BCAR3: variants seen among roughly 807,000 people sequenced by gnomAD.
BCAR3 encodes breast cancer anti-estrogen resistance protein 3.
In BCAR3, 37 loss-of-function variants were observed where a neutral mutation model predicts 80.1. The ratio of observed to expected loss-of-function variants is 0.46; its 90% confidence interval spans 0.36 to 0.61. The LOEUF (loss-of-function observed/expected upper bound fraction) is 0.61, where lower values mean the gene tolerates loss of function less well. Ranked by LOEUF, BCAR3 falls within the 20% of genes least tolerant of loss-of-function variation. The pLI, the probability that BCAR3 is intolerant of heterozygous loss-of-function variation, is 0.00. For synonymous variants in BCAR3, 389 were observed against 418.9 expected (o/e 0.93, Z 0.87); for missense variants, 978 against 1,068.2 (o/e 0.92, Z 1.18).
chr1:93,631,936 A>G (rs931013236), intron 3 of BCAR3, among the ~76,000 whole-genome samples: 2 of 152,144 alleles, frequency 1.3e-5, no homozygotes, highest in African/African-American at 2.4e-5. Context: ...TGCATGGACA[A>G]AGCAGTGTCT....
intron 3 of BCAR3, among the ~76,000 whole-genome samples, chr1:93,697,706 G>A (rs770143896): frequency 8.5e-5 from 13 of 152,174 alleles, no homozygotes; most frequent in East Asian, 1.9e-4. Flanking sequence ...TAGGCCGGGC[G>A]TGGTGACTCA....
chr1:93,621,967 G>A (rs902227173), intron 3 of BCAR3, among the ~76,000 whole-genome samples: 2 of 152,222 alleles, frequency 1.3e-5, no homozygotes, highest in Non-Finnish European at 2.9e-5. Flanking sequence ...CGCCTCCCGG[G>A]TTCAAGTGAT....
At chr1:93,638,202 T>C (rs1359917647) in intron 3 of BCAR3, among the ~76,000 whole-genome samples, 1 of 152,154 alleles carries the variant, frequency 6.6e-6, no homozygotes, top group African/African-American at 2.4e-5. Context: ...TGAGCCAAGA[T>C]TGCGCCACTG....
At chr1:93,614,194 A>ATTTC in intron 3 of BCAR3, 1 of 1,223,592 alleles carries the variant, frequency 8.2e-7, no homozygotes, top group Non-Finnish European at 1.0e-6. Flanking sequence ...AGAAATTCTC[A>ATTTC]TGTGACCAGA....
chr1:93,707,662 GCAC>G (rs1479394069), intron 2 of BCAR3, among the ~76,000 whole-genome samples: 3 of 152,068 alleles, frequency 2.0e-5, no homozygotes, highest in Non-Finnish European at 2.9e-5. Flanking sequence ...AGCTGAGATC[GCAC>G]CACTGCACTC....
chr1:93,801,416 T>C (rs1484211121), intron 2 of BCAR3, among the ~76,000 whole-genome samples: 2 of 152,238 alleles, frequency 1.3e-5, no homozygotes, highest in African/African-American at 4.8e-5. Flanking sequence ...ATCCAATCTC[T>C]AAAAGAAGGT....
At chr1:93,577,733 C>T (rs535470111) in intron 7 of BCAR3, among the ~76,000 whole-genome samples, 115 of 152,304 alleles carry the variant, frequency 7.6e-4, no homozygotes, top group Non-Finnish European at 1.4e-3. Flanking sequence ...AGACAGCTGC[C>T]CTCTGTCAGA....
chr1:93,836,987 ACT>A (rs762942737), intron 2 of BCAR3, among the ~76,000 whole-genome samples: 18 of 151,876 alleles, frequency 1.2e-4, no homozygotes, highest in Non-Finnish European at 2.4e-4. Flanking sequence ...CCCTTCGCTG[ACT>A]CTCTTTTCAG....
intron 2 of BCAR3, among the ~76,000 whole-genome samples, chr1:93,714,671 T>A (rs1266205269): frequency 6.6e-6 from 1 of 152,196 alleles, no homozygotes; most frequent in Non-Finnish European, 1.5e-5. Context: ...TAAAAATTCT[T>A]TTAACATACT....
intron 2 of BCAR3, among the ~76,000 whole-genome samples, chr1:93,724,606 T>G (rs915988953): frequency 1.6e-4 from 24 of 152,094 alleles, no homozygotes; most frequent in African/African-American, 5.6e-4. Flanking sequence ...GGCTGTCCAG[T>G]CTGAGCTACC....
intron 8 of BCAR3, among the ~76,000 whole-genome samples, chr1:93,575,314 A>G (rs1232862150): frequency 6.6e-6 from 1 of 152,212 alleles, no homozygotes; most frequent in Non-Finnish European, 1.5e-5. Flanking sequence ...GCCCAAATCA[A>G]CTTTTAAAAA....
chr1:93,728,445 C>T (rs1650670773), intron 2 of BCAR3, among the ~76,000 whole-genome samples: 1 of 152,208 alleles, frequency 6.6e-6, no homozygotes, highest in Non-Finnish European at 1.5e-5. Context: ...TTCAATTAGA[C>T]CCTCTACCCT....
intron 1 of BCAR3, chr1:93,846,780 T>TG: frequency 2.2e-6 from 1 of 445,850 alleles, no homozygotes; most frequent in Admixed American, 2.5e-5. Flanking sequence ...GCGGCGTCCT[T>TG]GGAGGCAGGT....
chr1:93,614,054 C>T (rs2101882407), intron 3 of BCAR3: 4 of 1,449,832 alleles, frequency 2.8e-6, no homozygotes, highest in Non-Finnish European at 3.6e-6. Context: ...TCAGGGAAGT[C>T]GGCAGCCGGG....
chr1:93,649,644 G>T, intron 2 of BCAR3, among the ~76,000 whole-genome samples: 1 of 151,710 alleles, frequency 6.6e-6, no homozygotes, highest in Non-Finnish European at 1.5e-5. Context: ...AATTTAACCA[G>T]AATGACTTGT....
intron 3 of BCAR3, among the ~76,000 whole-genome samples, chr1:93,618,647 A>T (rs1675211282): frequency 6.6e-6 from 1 of 152,218 alleles, no homozygotes; most frequent in African/African-American, 2.4e-5. Flanking sequence ...CAGAAATCTT[A>T]TATTACACAA....
chr1:93,601,528 C>T (rs989127389), intron 3 of BCAR3, among the ~76,000 whole-genome samples: 7 of 152,188 alleles, frequency 4.6e-5, no homozygotes, highest in African/African-American at 1.7e-4. Context: ...TGTATTAGCG[C>T]CAGGTGGCTC....
chr1:93,840,276 C>T (rs934462266), intron 2 of BCAR3, among the ~76,000 whole-genome samples: 15 of 152,220 alleles, frequency 9.9e-5, no homozygotes, highest in East Asian at 1.9e-4. Flanking sequence ...GGGACAGGTG[C>T]CTGGATTCAA....
At chr1:93,807,147 G>T (rs1233791602) in intron 2 of BCAR3, among the ~76,000 whole-genome samples, 23 of 152,044 alleles carry the variant, frequency 1.5e-4, no homozygotes, top group Admixed American at 1.5e-3. Flanking sequence ...ATTTAGAAGA[G>T]CATATGTCTT....
Sources: allele counts gnomAD v4.1 joint callset (sites outside exome capture counted in the v4.1 genomes callset), GRCh38; gene constraint gnomAD v4.1.1; transcripts MANE v1.5; gene names NCBI Gene and HGNC (gene_info 2026-07-23, HGNC 2026-07-21).